PDE11A: variants seen among roughly 807,000 people sequenced by gnomAD.
The protein encoded by PDE11A is phosphodiesterase 11A, also known as dual 3',5'-cyclic-AMP and -GMP phosphodiesterase 11A.
A neutral mutation model predicts 100.5 loss-of-function variants in PDE11A; 100 were observed. The observed-to-expected ratio is 1.00, with a 90% confidence interval of 0.85 to 1.18. The LOEUF (loss-of-function observed/expected upper bound fraction) is 1.18. PDE11A is among the 50% of genes most tolerant of loss of function. The pLI is 0.00. For synonymous variants in PDE11A, 381 were observed against 420.8 expected (o/e 0.91, Z 1.16); for missense variants, 1,141 against 1,152.6 (o/e 0.99, Z 0.15).
chr2:178,023,553 A>G (rs2086440308), intron 1 of PDE11A, among the ~76,000 whole-genome samples: 1 of 152,160 alleles, frequency 6.6e-6, no homozygotes, highest in African/African-American at 2.4e-5. Context: ...ACTCATGATT[A>G]AGCCAAGAAC....
chr2:177,807,921 C>A (rs971655615), intron 9 of PDE11A, among the ~76,000 whole-genome samples: 1 of 152,006 alleles, frequency 6.6e-6, no homozygotes, highest in Non-Finnish European at 1.5e-5. Context: ...GTGTCAATAG[C>A]CCTTTTATAA....
At chr2:178,066,920 G>A (rs1414572205) in intron 1 of PDE11A, among the ~76,000 whole-genome samples, 6 of 152,140 alleles carry the variant, frequency 3.9e-5, no homozygotes, top group South Asian at 2.1e-4. Flanking sequence ...CTTTAACCCC[G>A]GCCAGAGTCC....
At chr2:178,001,888 C>T (rs904938215) in intron 2 of PDE11A, among the ~76,000 whole-genome samples, 2 of 152,076 alleles carry the variant, frequency 1.3e-5, no homozygotes, top group Admixed American at 6.6e-5. Context: ...AGGATTTGGT[C>T]TATCTGCTTT....
intron 4 of PDE11A, among the ~76,000 whole-genome samples, chr2:177,881,113 A>G (rs920039551): frequency 2.6e-5 from 4 of 152,178 alleles, no homozygotes; most frequent in Non-Finnish European, 5.9e-5. Context: ...AAGGAAGAGG[A>G]AGGGCAAATG....
intron 2 of PDE11A, among the ~76,000 whole-genome samples, chr2:177,906,345 C>T (rs1424406149): frequency 6.6e-6 from 1 of 152,114 alleles, no homozygotes; most frequent in Non-Finnish European, 1.5e-5. Context: ...TTGTGAAGCA[C>T]CCAGGACATC....
At chr2:177,966,773 T>G (rs995216110) in intron 2 of PDE11A, among the ~76,000 whole-genome samples, 6 of 152,182 alleles carry the variant, frequency 3.9e-5, no homozygotes, top group Admixed American at 6.5e-5. Flanking sequence ...TTTTTGAGAA[T>G]TTTTACATTT....
At chr2:177,897,978 T>G (rs2084635352) in intron 4 of PDE11A, 80 bp downstream of exon 4, 2 of 1,215,766 alleles carry the variant, frequency 1.6e-6, no homozygotes, top group Non-Finnish European at 2.4e-6. Context: ...AAGTCACAAT[T>G]TCACAAGTTT....
intron 19 of PDE11A, among the ~76,000 whole-genome samples, chr2:177,631,662 T>A (rs182695084): frequency 7.1e-6 from 1 of 140,102 alleles, no homozygotes; most frequent in African/African-American, 2.9e-5. Flanking sequence ...TGTGTATATA[T>A]ATACACATAT....
intron 6 of PDE11A, among the ~76,000 whole-genome samples, chr2:177,823,592 C>G (rs2083179270): frequency 6.6e-6 from 1 of 152,178 alleles, no homozygotes; most frequent in Non-Finnish European, 1.5e-5. Context: ...ATGAGAGAGA[C>G]TGGCTCAAAG....
chr2:177,786,505 T>A (rs1217298072), intron 9 of PDE11A, among the ~76,000 whole-genome samples: 1 of 152,116 alleles, frequency 6.6e-6, no homozygotes, highest in Non-Finnish European at 1.5e-5. Context: ...AGGAACGCAG[T>A]TCCTCACCAG....
In PDE11A at chr2:177,774,013, A is replaced by G. The variant is rs1485083781; in HGVS notation, c.1738-4640T>C. On this transcript the variant is annotated intron_variant, in intron 9 of 19. Coordinates refer to ENST00000286063, the MANE Select transcript of PDE11A (RefSeq NM_016953.4). The stretch of plus-strand genomic sequence containing the variant: ...GGTCCCATAGGATTTTCTGGGATGC[A>G]TTCAGAAAGATGGTGGTGCTTCAGT... Among the ~76,000 whole-genome samples, 5 of 152,302 alleles carry G rather than the reference A, an allele frequency of 3.3e-5. No homozygotes were observed. The East Asian group carries it at 9.6e-4, about 29-fold the overall frequency.
intron 9 of PDE11A, among the ~76,000 whole-genome samples, chr2:177,800,720 T>G (rs2082780673): frequency 6.6e-6 from 1 of 151,922 alleles, no homozygotes; most frequent in Non-Finnish European, 1.5e-5. Context: ...CAGAATCCAC[T>G]GAGACCTGAT....
chr2:177,851,991 G>T (rs772153429), intron 5 of PDE11A, among the ~76,000 whole-genome samples: 45 of 152,068 alleles, frequency 3.0e-4, no homozygotes, highest in Non-Finnish European at 2.4e-4. Flanking sequence ...ATAAGGGAGA[G>T]CATGCCATAT....
At chr2:177,721,364 A>T (rs1463188433) in intron 12 of PDE11A, among the ~76,000 whole-genome samples, 2 of 152,156 alleles carry the variant, frequency 1.3e-5, no homozygotes, top group East Asian at 3.8e-4. Context: ...AGAAGTCCTA[A>T]TGTGGTCAAA....
chr2:178,094,723 A>C (rs549866530), intron 2 of PDE11A, among the ~76,000 whole-genome samples: 1 of 152,318 alleles, frequency 6.6e-6, no homozygotes, highest in East Asian at 1.9e-4. Flanking sequence ...GTAATTTATA[A>C]AGGAAAGAGG....
At chr2:177,804,426 A>G (rs956511476) in intron 9 of PDE11A, among the ~76,000 whole-genome samples, 2 of 152,044 alleles carry the variant, frequency 1.3e-5, no homozygotes, top group Non-Finnish European at 2.9e-5. Flanking sequence ...AAGTCAAAAA[A>G]CAACAGATAT....
At chr2:177,662,355 T>A (rs2080496129) in intron 19 of PDE11A, among the ~76,000 whole-genome samples, 1 of 152,208 alleles carries the variant, frequency 6.6e-6, no homozygotes, top group Non-Finnish European at 1.5e-5. Context: ...CATATCTTCA[T>A]CCTCCTAAGC....
At chr2:177,832,982 A>G (rs1217171506) in intron 6 of PDE11A, among the ~76,000 whole-genome samples, 2 of 152,134 alleles carry the variant, frequency 1.3e-5, no homozygotes, top group African/African-American at 2.4e-5. Context: ...CTCCAAGTGT[A>G]CTTTACTTCC....
rs1462403475 is a variant in PDE11A at position 178,064,949 on chromosome 2, A to G, written c.912+6577T>C. Among the ~76,000 whole-genome samples, 5 of 152,064 alleles carry G rather than the reference A, an allele frequency of 3.3e-5. No individual in the cohort carries two copies. In the East Asian group the frequency reaches 9.6e-4, roughly 29 times the overall value. ...TAATTTGTCATTAATATATGAAACCACTGTTCAGTCAAAAACAACCAATTA... is the reference window on the plus strand; with the variant it reads ...TAATTTGTCATTAATATATGAAACCGCTGTTCAGTCAAAAACAACCAATTA... On this transcript the variant is annotated intron_variant, in intron 1 of 19. Coordinates refer to ENST00000286063, the MANE Select transcript of PDE11A (RefSeq NM_016953.4).
Sources: allele counts gnomAD v4.1 joint callset (sites outside exome capture counted in the v4.1 genomes callset), GRCh38; gene constraint gnomAD v4.1.1; transcripts MANE v1.5; gene names NCBI Gene and HGNC (gene_info 2026-07-23, HGNC 2026-07-21).